Variants in ZNF317 observed in about 807,000 individuals in gnomAD.
The protein encoded by ZNF317 is KRAB-containing zinc finger protein 317.
A neutral mutation model predicts 23.4 loss-of-function variants in ZNF317; 17 were observed. The observed-to-expected ratio is 0.73, with a 90% CI of 0.50 to 1.09. The LOEUF (loss-of-function observed/expected upper bound fraction) is 1.09, where lower values mean the gene tolerates loss of function less well. Among genes scored for constraint, ZNF317 ranks in the 50% least tolerant of loss-of-function variants. ZNF317 has a pLI of 0.00. For synonymous variants in ZNF317, 317 were observed against 314.9 expected (o/e 1.01, Z -0.07); for missense variants, 679 against 796.7 (o/e 0.85, Z 1.78).
chr19:9,142,079 T>C (rs1476912436), intron 1 of ZNF317, among the ~76,000 whole-genome samples: 2 of 152,238 alleles, frequency 1.3e-5, no homozygotes, highest in Admixed American at 1.3e-4. Flanking sequence ...GTGCTGGGAT[T>C]GCAGGAGAGA....
In ZNF317 at chr19:9,160,025, C is replaced by T. The variant is rs182736613; in HGVS notation, c.469-89C>T. The T allele has an allele frequency of 4.3e-5, 66 of 1,550,798 alleles. No homozygotes were observed. The highest frequency in any genetic ancestry group is 3.7e-4 in the African/African-American group (27 of 73,810). ...TCTAGTCATAGTAATGTGCTTCTAT[C>T]TGTTCATAGCAGTGTATGTGGGGAT... On this transcript the variant is annotated intron_variant, in intron 6 of 6. Coordinates refer to ENST00000247956, the MANE Select transcript of ZNF317 (RefSeq NM_020933.5). The surrounding 1 kb of genome is among the most constrained non-coding windows in gnomAD (Gnocchi z 6.8).
intron 5 of ZNF317, among the ~76,000 whole-genome samples, 181 bp from the exon 6 acceptor site, chr19:9,158,645 G>C (rs964311530): frequency 3.9e-5 from 6 of 151,910 alleles, no homozygotes; most frequent in African/African-American, 1.2e-4. Flanking sequence ...GGCCTGAATT[G>C]ACTTAAATTT....
At chr19:9,153,347 G>T (rs1311737732) in intron 1 of ZNF317, among the ~76,000 whole-genome samples, 1 of 152,084 alleles carries the variant, frequency 6.6e-6, no homozygotes, top group African/African-American at 2.4e-5. Flanking sequence ...ATTTTTAGTA[G>T]AGACGGGGTT....
chr19:9,145,278 A>G (rs62103615), intron 1 of ZNF317, among the ~76,000 whole-genome samples: 19,124 of 152,022 alleles, frequency 0.13, 1,220 homozygotes, highest in Non-Finnish European at 0.15. Context: ...GGAGCCTAGA[A>G]ATGTGAGTTT....
chr19:9,148,792 G>A (rs985546066), intron 1 of ZNF317, among the ~76,000 whole-genome samples: 2 of 152,206 alleles, frequency 1.3e-5, no homozygotes, highest in African/African-American at 4.8e-5. Flanking sequence ...AGACAGCAGA[G>A]AGATAATAAT....
chr19:9,142,878 A>G (rs192586013), intron 1 of ZNF317, among the ~76,000 whole-genome samples: 303 of 152,216 alleles, frequency 2.0e-3, no homozygotes, highest in African/African-American at 7.0e-3. Context: ...CTTGAGTGAA[A>G]TGTTCCTTTT....
intron 1 of ZNF317, among the ~76,000 whole-genome samples, chr19:9,140,819 C>G (rs548139006): frequency 1.4e-4 from 22 of 152,202 alleles, no homozygotes; most frequent in African/African-American, 4.6e-4. Context: ...TCACCTGATC[C>G]TGAAAAGCCC....
At chr19:9,150,301 C>T (rs150976517) in intron 1 of ZNF317, among the ~76,000 whole-genome samples, 438 of 152,292 alleles carry the variant, frequency 2.9e-3, no homozygotes, top group Non-Finnish European at 4.5e-3. Flanking sequence ...ATGATAATGG[C>T]ATTTTAGAGT....
At chr19:9,154,609 C>A (rs1165825862) in intron 1 of ZNF317, among the ~76,000 whole-genome samples, 1 of 152,106 alleles carries the variant, frequency 6.6e-6, no homozygotes, top group Non-Finnish European at 1.5e-5. Flanking sequence ...ATTTGTATAT[C>A]CATTCTCTGG....
At chr19:9,149,357 A>G (rs965424288) in intron 1 of ZNF317, among the ~76,000 whole-genome samples, 13 of 152,090 alleles carry the variant, frequency 8.5e-5, no homozygotes, top group Admixed American at 8.5e-4. Context: ...CTATAGTCCC[A>G]GCTACTTGGG....
intron 1 of ZNF317, among the ~76,000 whole-genome samples, chr19:9,149,961 T>A (rs12459040): frequency 0.34 from 51,656 of 152,022 alleles, 9,897 homozygotes; most frequent in African/African-American, 0.53. Flanking sequence ...AGTTTTAAAG[T>A]TAAGGCTGGC....
At chr19:9,157,903 G>T (rs1047003806) in intron 4 of ZNF317, 77 bp from the exon 5 acceptor site, 5 of 1,493,666 alleles carry the variant, frequency 3.3e-6, no homozygotes, top group Non-Finnish European at 4.5e-6. Context: ...GAAGACCCAA[G>T]TGTTGAGCCC....
At chr19:9,149,741 A>G (rs959344768) in intron 1 of ZNF317, among the ~76,000 whole-genome samples, 2 of 152,068 alleles carry the variant, frequency 1.3e-5, no homozygotes, top group African/African-American at 4.8e-5. Context: ...TCTGAGTGAG[A>G]TGGGACACCA....
intron 6 of ZNF317, among the ~76,000 whole-genome samples, chr19:9,159,436 T>TGGCCTCA (rs1414952492): frequency 1.0e-5 from 1 of 98,256 alleles, no homozygotes; most frequent in African/African-American, 7.0e-5. Flanking sequence ...CTTGAACTCC[T>TGGCCTCA]GGAGATCCAT....
At chr19:9,148,659 A>T (rs925917972) in intron 1 of ZNF317, among the ~76,000 whole-genome samples, 3 of 152,042 alleles carry the variant, frequency 2.0e-5, no homozygotes, top group African/African-American at 7.2e-5. Context: ...TCTTATTTAT[A>T]TCAGGCACTG....
Position 9,161,910 on chromosome 19 carries a change from G to A in ZNF317, c.*477G>A, listed in dbSNP as rs902067249. On this transcript the variant is annotated 3_prime_UTR_variant, in exon 7 of 7. Transcript: ENST00000247956. This position sits in a 1 kb window ranked among gnomAD's most constrained non-coding sequence, Gnocchi z 4.0. ...CTAAAGAGAGAAATCAGTGAAGTAAGGAACGTGGAAGGTCATGAATGGGCC... is the reference window on the plus strand; with the variant it reads ...CTAAAGAGAGAAATCAGTGAAGTAAAGAACGTGGAAGGTCATGAATGGGCC... The A allele has an allele frequency of 1.9e-5, 3 of 156,270 alleles. No homozygotes were observed. The highest frequency in any genetic ancestry group is 1.9e-4 in the Admixed American group (3 of 16,160). 9.7% of individuals were successfully genotyped at this position (156,270 alleles called of 1,614,324 possible).
In ZNF317 at chr19:9,157,398, A is replaced by C. The variant is rs748652009; in HGVS notation, c.289+4A>C. The C allele has an allele frequency of 6.2e-7, 1 of 1,613,866 alleles. No individual in the cohort carries two copies. Among genetic ancestry groups the C allele is most frequent in the Admixed American group, 1.7e-5 (1 of 59,984 alleles). ...TACAGCAACCTCACTTCACTGGGTA[A>C]GGCCAGTGCCATTTCTCCACTTATT... On this transcript the variant is annotated splice_donor_region_variant and intron_variant, in intron 4 of 6. Transcript: ENST00000247956.
chr19:9,146,052 G>T (rs747802267), intron 1 of ZNF317, among the ~76,000 whole-genome samples: 1 of 151,572 alleles, frequency 6.6e-6, no homozygotes, highest in Non-Finnish European at 1.5e-5. Flanking sequence ...TTTTGTTGTG[G>T]GTTTCCATTT....
In ZNF317 at chr19:9,160,883, T is replaced by C. The variant is rs757893621; in HGVS notation, c.1238T>C (p.Ile413Thr). Residue 413 changes from isoleucine to threonine, a missense_variant, in exon 7 of 7, where the codon ATC becomes ACC. Transcript: ENST00000247956. This position sits in a 1 kb window ranked among gnomAD's most constrained non-coding sequence, Gnocchi z 6.8. ...CGGAGGAAACACATGAGGATTCACA[T>C]CGTCAAGAAACCCGTGGAATGTCGG... Reference protein sequence around the residue: ...VSRRKHMRIHIVKKPVECRQC... With the variant: ...VSRRKHMRIHTVKKPVECRQC... The C allele has an allele frequency of 1.1e-5, 17 of 1,613,916 alleles. No homozygotes were observed. In the South Asian group the frequency reaches 1.9e-4, roughly 18 times the overall value.
Sources: gnomAD v4.1 joint callset for allele counts (sites outside exome capture counted in the v4.1 genomes callset) on GRCh38, gnomAD v4.1.1 for gene constraint, Gnocchi (gnomAD v3.1) non-coding constraint, MANE v1.5 for transcripts, NCBI Gene and HGNC (gene_info 2026-07-23, HGNC 2026-07-21) for gene names.